KSR2: variants seen among roughly 807,000 people sequenced by gnomAD.
KSR2 encodes kinase suppressor of ras 2.
KSR2 carries 25 observed loss-of-function variants against 107.8 expected under a neutral mutation model. The observed-to-expected ratio is 0.23, with a 90% CI of 0.17 to 0.32. The LOEUF is 0.32. KSR2 is among the 10% of genes least tolerant of loss of function. KSR2 has a pLI of 1.00. For synonymous variants in KSR2, 480 were observed against 507.0 expected (o/e 0.95, Z 0.71); for missense variants, 887 against 1,268.9 (o/e 0.70, Z 4.57).
chr12:117,827,372 A>T (rs1891799313), intron 3 of KSR2, among the ~76,000 whole-genome samples: 1 of 152,156 alleles, frequency 6.6e-6, no homozygotes, highest in South Asian at 2.1e-4. Context: ...AAAATCACTT[A>T]TCTACACAGG....
At chr12:117,835,844 A>C (rs1288415384) in intron 3 of KSR2, among the ~76,000 whole-genome samples, 1 of 151,866 alleles carries the variant, frequency 6.6e-6, no homozygotes, top group Non-Finnish European at 1.5e-5. Flanking sequence ...TTGTGCTGTA[A>C]TTGGAGACCA....
Position 117,880,343 on chromosome 12 carries a change from G to C in KSR2, c.181-19912C>G, listed in dbSNP as rs114775706. Among the ~76,000 whole-genome samples the C allele has an allele frequency of 3.6e-3, 543 of 152,160 alleles. 2 individuals are homozygous for C. The highest frequency in any genetic ancestry group is 0.012 in the African/African-American group (488 of 41,488). On this transcript the variant is annotated intron_variant, in intron 1 of 19. Coordinates refer to ENST00000339824, the MANE Select transcript of KSR2 (RefSeq NM_173598.6). The stretch of plus-strand genomic sequence containing the variant: ...TTCAAATGCTCAATAGCTGCTTGTA[G>C]CCAGTGGCTCTTGTACTAGACGGTG...
intron 1 of KSR2, among the ~76,000 whole-genome samples, chr12:117,956,263 A>C (rs1380882109): frequency 6.8e-6 from 1 of 147,984 alleles, no homozygotes. Flanking sequence ...AAAAAAAAAA[A>C]AAAAAAAAAA....
chr12:117,729,192 C>G (rs1887563841), intron 4 of KSR2, among the ~76,000 whole-genome samples: 1 of 150,714 alleles, frequency 6.6e-6, no homozygotes, highest in Non-Finnish European at 1.5e-5. Flanking sequence ...CCTCGGGAGT[C>G]TACAACCTAA....
chr12:117,786,533 TG>T, intron 3 of KSR2, among the ~76,000 whole-genome samples: 1 of 152,132 alleles, frequency 6.6e-6, no homozygotes, highest in African/African-American at 2.4e-5. Context: ...CAACATCTTT[TG>T]GCTGGGCATG....
intron 4 of KSR2, among the ~76,000 whole-genome samples, chr12:117,704,175 G>A (rs887658814): frequency 1.3e-5 from 2 of 152,100 alleles, no homozygotes; most frequent in Non-Finnish European, 2.9e-5. Context: ...TTCCTGAGCT[G>A]CAGGTGCCCC....
chr12:117,541,733 G>A (rs1046969984), intron 9 of KSR2, among the ~76,000 whole-genome samples: 11 of 152,088 alleles, frequency 7.2e-5, no homozygotes, highest in Non-Finnish European at 1.2e-4. Context: ...CAAGGGCAGA[G>A]GGGAAATGGA....
chr12:117,854,873 T>TG (rs1893047314), intron 3 of KSR2, among the ~76,000 whole-genome samples: 1 of 144,070 alleles, frequency 6.9e-6, no homozygotes, highest in East Asian at 2.2e-4. Context: ...TTTTATTAGG[T>TG]GAAAAAAAAA....
chr12:117,915,508 C>G (rs1280372890), intron 1 of KSR2, among the ~76,000 whole-genome samples: 1 of 152,202 alleles, frequency 6.6e-6, no homozygotes, highest in Non-Finnish European at 1.5e-5. Flanking sequence ...ACAGTCCATT[C>G]GTTCCTTTAA....
In KSR2 at chr12:117,622,542, A is replaced by G. The variant is rs1182777006; in HGVS notation, c.1172-40183T>C. On this transcript the variant is annotated intron_variant, in intron 5 of 19. Transcript: ENST00000339824. Reference sequence around the variant, plus strand: ...TTTCCTGTCCCTGGAAGACAAGGTCAAGCAGGATGTGCATGTTAACACCTT... The same window carrying G: ...TTTCCTGTCCCTGGAAGACAAGGTCGAGCAGGATGTGCATGTTAACACCTT... Among the ~76,000 whole-genome samples, 5 of 152,214 alleles carry G rather than the reference A, an allele frequency of 3.3e-5. No individual in the cohort carries two copies. In the East Asian group the frequency reaches 7.7e-4, roughly 24 times the overall value.
intron 1 of KSR2, among the ~76,000 whole-genome samples, chr12:117,925,094 G>A (rs907845524): frequency 6.6e-6 from 1 of 151,476 alleles, no homozygotes; most frequent in Non-Finnish European, 1.5e-5. Flanking sequence ...TGGGTGGTAA[G>A]TACAAGGAAG....
chr12:117,672,920 C>A (rs988547381), intron 4 of KSR2, among the ~76,000 whole-genome samples: 1 of 152,196 alleles, frequency 6.6e-6, no homozygotes, highest in Admixed American at 6.5e-5. Context: ...TGGGCCACTG[C>A]GCCTGGTGAT....
intron 12 of KSR2, among the ~76,000 whole-genome samples, chr12:117,528,897 C>T (rs909412019): frequency 6.6e-6 from 1 of 152,224 alleles, no homozygotes; most frequent in Non-Finnish European, 1.5e-5. Flanking sequence ...CTCTGTTTTT[C>T]GCTGGTACCT....
chr12:117,484,123 T>A (rs1023906359), intron 16 of KSR2, among the ~76,000 whole-genome samples: 23 of 152,304 alleles, frequency 1.5e-4, no homozygotes, highest in Middle Eastern at 3.4e-3. Context: ...TTACTTAGGG[T>A]TAGAGGAGAG....
intron 5 of KSR2, among the ~76,000 whole-genome samples, chr12:117,644,993 T>C (rs1000214970): frequency 6.6e-6 from 1 of 152,216 alleles, no homozygotes; most frequent in Admixed American, 6.5e-5. Context: ...ATTCACTCCA[T>C]GGCTTCAAGA....
chr12:117,507,206 C>A (rs1434410541), intron 14 of KSR2, among the ~76,000 whole-genome samples: 1 of 152,338 alleles, frequency 6.6e-6, no homozygotes, highest in East Asian at 1.9e-4. Context: ...TTCTATACAG[C>A]AGGAAGCTGA....
At chr12:117,673,314 AACACAG>A (rs959303898) in intron 4 of KSR2, among the ~76,000 whole-genome samples, 1 of 152,146 alleles carries the variant, frequency 6.6e-6, no homozygotes, top group Non-Finnish European at 1.5e-5. Context: ...GGAGGATGGG[AACACAG>A]ATAAAAGGAA....
intron 4 of KSR2, among the ~76,000 whole-genome samples, chr12:117,692,509 CACACACATATATAT>C (rs1885870827): frequency 9.2e-6 from 1 of 108,464 alleles, no homozygotes; most frequent in Admixed American, 9.5e-5. Flanking sequence ...TATATATACA[CACACACATATATAT>C]ACACACACAC....
At chr12:117,853,318 G>A (rs1892988584) in intron 3 of KSR2, among the ~76,000 whole-genome samples, 1 of 152,142 alleles carries the variant, frequency 6.6e-6, no homozygotes, top group African/African-American at 2.4e-5. Context: ...ATTGACAAAG[G>A]AAGATGTTTA....
Sources: gnomAD v4.1 joint callset for allele counts (sites outside exome capture counted in the v4.1 genomes callset) on GRCh38, gnomAD v4.1.1 for gene constraint, MANE v1.5 for transcripts, NCBI Gene and HGNC (gene_info 2026-07-23, HGNC 2026-07-21) for gene names.